ZNF385D: variants seen among roughly 807,000 people sequenced by gnomAD.
The protein encoded by ZNF385D is zinc finger protein 659.
Under a neutral mutation model 35.8 loss-of-function variants are expected in ZNF385D, and 15 were observed. The ratio of observed to expected loss-of-function variants is 0.42; its 90% CI spans 0.28 to 0.64. The LOEUF (loss-of-function observed/expected upper bound fraction) is 0.64. Ranked by LOEUF, ZNF385D falls within the 30% of genes least tolerant of loss-of-function variation. The probability of loss-of-function intolerance (pLI) is 0.23; values close to 1 mark genes in which losing one functional copy is unlikely to be tolerated. For missense variants in ZNF385D, 474 were observed against 494.6 expected (o/e 0.96, Z 0.39); for synonymous variants, 212 against 186.8 (o/e 1.13, Z -1.10).
At chr3:21,910,898 T>A (rs62236551) in intron 3 of ZNF385D, among the ~76,000 whole-genome samples, 1 of 151,914 alleles carries the variant, frequency 6.6e-6, no homozygotes, top group Admixed American at 6.6e-5. Flanking sequence ...TTTATTATGT[T>A]TGATAACTAT....
chr3:21,872,670 T>C (rs1250730168), intron 3 of ZNF385D, among the ~76,000 whole-genome samples: 2 of 152,112 alleles, frequency 1.3e-5, no homozygotes, highest in Non-Finnish European at 2.9e-5. Flanking sequence ...ATTTACAATG[T>C]GGCAAAATGG....
intron 3 of ZNF385D, among the ~76,000 whole-genome samples, chr3:21,895,996 T>G (rs1221977024): frequency 6.6e-6 from 1 of 152,186 alleles, no homozygotes; most frequent in African/African-American, 2.4e-5. Context: ...CAATGACAAT[T>G]ATTTTAATTA....
chr3:21,860,066 C>T (rs920645926), intron 3 of ZNF385D, among the ~76,000 whole-genome samples: 9 of 151,984 alleles, frequency 5.9e-5, no homozygotes, highest in African/African-American at 2.2e-4. Flanking sequence ...AAATCACAGG[C>T]TCTTTTAGGG....
intron 3 of ZNF385D, among the ~76,000 whole-genome samples, chr3:21,541,946 T>C (rs2062187232): frequency 6.6e-6 from 1 of 152,182 alleles, no homozygotes; most frequent in Admixed American, 6.5e-5. Flanking sequence ...GGGCAACTGG[T>C]TTTCATCAAG....
At chr3:22,280,329 G>C (rs910507327) in intron 2 of ZNF385D, among the ~76,000 whole-genome samples, 2 of 148,366 alleles carry the variant, frequency 1.3e-5, no homozygotes, top group Non-Finnish European at 3.0e-5. Flanking sequence ...TTGGGTTCTT[G>C]GTCACAAAGT....
intron 3 of ZNF385D, among the ~76,000 whole-genome samples, chr3:21,764,931 T>C (rs184054568): frequency 3.3e-5 from 5 of 152,286 alleles, no homozygotes; most frequent in Admixed American, 3.3e-4. Flanking sequence ...CTGAATAATT[T>C]CTGTCACATT....
chr3:21,725,526 A>C (rs1295240803), intron 1 of ZNF385D, among the ~76,000 whole-genome samples: 2 of 152,226 alleles, frequency 1.3e-5, no homozygotes, highest in African/African-American at 4.8e-5. Context: ...AAAGAAATAC[A>C]AACTACCATC....
rs970697075 is a variant in ZNF385D at position 21,418,569 on chromosome 3, T to C, written c.*2645A>G. ...CCAGGTATTTCTGAGATTTCTTATA[T>C]GGCTGATGGAGAAAATATGGCTGAT... On this transcript the variant is annotated 3_prime_UTR_variant, in exon 8 of 8. Transcript: ENST00000281523. 2.0e-4 allele frequency: 31 copies of C among 152,206 alleles called. No homozygotes were observed. Among genetic ancestry groups the C allele is most frequent in the African/African-American group, 6.8e-4 (28 of 41,456 alleles). The allele number at this position is 152,206 out of a possible 1,614,324, so 9.4% of individuals were successfully genotyped here. A position where few individuals can be genotyped will look rare whatever the true frequency, so the allele number is the denominator to read the frequency against.
chr3:21,992,659 T>G (rs148659595), intron 3 of ZNF385D, among the ~76,000 whole-genome samples: 47 of 152,310 alleles, frequency 3.1e-4, no homozygotes, highest in African/African-American at 9.6e-4. Context: ...TTATACTATA[T>G]TGCTATCCAT....
intron 3 of ZNF385D, among the ~76,000 whole-genome samples, chr3:21,823,910 C>G (rs189462509): frequency 6.6e-6 from 1 of 152,258 alleles, no homozygotes; most frequent in Non-Finnish European, 1.5e-5. Context: ...TTGCACAGAG[C>G]TGTACATCAA....
rs116387860 is a variant in ZNF385D, at chr3:22,168,183, C to T, written c.325+634G>A. Among the ~76,000 whole-genome samples, 857 of 152,222 alleles carry T rather than the reference C, an allele frequency of 5.6e-3. 9 individuals carry two copies. Among genetic ancestry groups the T allele is most frequent in the African/African-American group, 0.019 (795 of 41,554 alleles). Reference sequence around the variant, plus strand: ...TTAGCTCTCTAAAGTCTCCTCTGTACGGGCCCACCCTCCTCTCTTCATGTC... The same window carrying T: ...TTAGCTCTCTAAAGTCTCCTCTGTATGGGCCCACCCTCCTCTCTTCATGTC... On this transcript the variant is annotated intron_variant, in intron 3 of 5. Coordinates refer to the ZNF385D transcript ENST00000494108.
intron 3 of ZNF385D, among the ~76,000 whole-genome samples, chr3:21,953,262 C>CTT (rs35256658): frequency 3.9e-4 from 57 of 147,386 alleles, no homozygotes; most frequent in Middle Eastern, 7.2e-3. Flanking sequence ...CAGAATAAAA[C>CTT]TTTTTTTTTT....
chr3:21,701,492 GA>G (rs1331754559), intron 1 of ZNF385D, among the ~76,000 whole-genome samples: 3 of 152,026 alleles, frequency 2.0e-5, no homozygotes, highest in Non-Finnish European at 4.4e-5. Context: ...TTTGGGTGGG[GA>G]CACAGCAAAA....
At position 21,413,500 on chromosome 3, in the gene ZNF385D, C is replaced by T. The variant is rs947539966; in HGVS notation, c.*7714G>A. ...TTAGTTTTTGTAAAATCAAATTCAC[C>T]ATGTCAACTGTACCTCCCTCCAATG... On this transcript the variant is annotated 3_prime_UTR_variant, in exon 8 of 8. Coordinates refer to ENST00000281523, the MANE Select transcript of ZNF385D (RefSeq NM_024697.3). 5 of 152,182 alleles carry T rather than the reference C, an allele frequency of 3.3e-5. No homozygotes were observed. The highest frequency in any genetic ancestry group is 9.6e-5 in the African/African-American group (4 of 41,528). The allele number at this position is 152,182 out of a possible 1,614,324, so 9.4% of individuals were successfully genotyped here. A position where few individuals can be genotyped will look rare whatever the true frequency, so the allele number is the denominator to read the frequency against.
At chr3:22,341,537 TTTTTTTAAGCACC>T (rs757954353) in intron 2 of ZNF385D, among the ~76,000 whole-genome samples, 2 of 152,202 alleles carry the variant, frequency 1.3e-5, no homozygotes, top group African/African-American at 2.4e-5. Context: ...CTTCAACTAA[TTTTTTTAAGCACC>T]ATTTGGAATG....
chr3:21,614,423 A>T (rs149945446), intron 2 of ZNF385D, among the ~76,000 whole-genome samples: 7 of 152,320 alleles, frequency 4.6e-5, no homozygotes, highest in East Asian at 3.9e-4. Context: ...TTTAAAATAC[A>T]TTCACATTCA....
chr3:21,922,208 T>C (rs1168270668), intron 3 of ZNF385D, among the ~76,000 whole-genome samples: 1 of 152,180 alleles, frequency 6.6e-6, no homozygotes, highest in Non-Finnish European at 1.5e-5. Flanking sequence ...ATGGCCATAC[T>C]GCCCAAAGCA....
chr3:21,851,065 T>C (rs1696352993), intron 3 of ZNF385D, among the ~76,000 whole-genome samples: 1 of 151,600 alleles, frequency 6.6e-6, no homozygotes, highest in African/African-American at 2.4e-5. Context: ...GGACAAGGAT[T>C]TTAAAACAGC....
At chr3:22,324,057 C>T (rs572995340) in intron 2 of ZNF385D, among the ~76,000 whole-genome samples, 1 of 151,774 alleles carries the variant, frequency 6.6e-6, no homozygotes, top group Non-Finnish European at 1.5e-5. Context: ...CCTAAAATGA[C>T]ATTTGATAAA....
Sources: allele counts gnomAD v4.1 joint callset (sites outside exome capture counted in the v4.1 genomes callset), GRCh38; gene constraint gnomAD v4.1.1; transcripts MANE v1.5; gene names NCBI Gene and HGNC (gene_info 2026-07-23, HGNC 2026-07-21).